RBFOX3: variants seen among roughly 807,000 people sequenced by gnomAD.
The protein encoded by RBFOX3 is RNA binding fox-1 homolog 3, also known as RNA binding protein fox-1 homolog 3.
In RBFOX3, 17 loss-of-function variants were observed where a neutral mutation model predicts 48.7. That is an observed-to-expected ratio of 0.35 (90% CI 0.24 to 0.52). The LOEUF (loss-of-function observed/expected upper bound fraction) is 0.52. Among genes scored for constraint, RBFOX3 ranks in the 20% least tolerant of loss-of-function variants. The pLI is 0.94. For missense variants in RBFOX3, 382 were observed against 497.5 expected, an observed-to-expected ratio of 0.77 and a Z score of 2.21; for synonymous variants, 212 against 209.5, an observed-to-expected ratio of 1.01 and a Z score of -0.10.
chr17:79,170,143 A>AAGGAAGGAAGGGAGGAGGAAGG (rs1555728704), intron 4 of RBFOX3, among the ~76,000 whole-genome samples: 2 of 111,312 alleles, frequency 1.8e-5, no homozygotes, highest in African/African-American at 8.5e-5. Flanking sequence ...GGAAGGAGGG[A>AAGGAAGGAAGGGAGGAGGAAGG]AGGAAGGAAG....
Position 79,094,543 on chromosome 17 carries a change from T to TGGGAGGGGGAGTGGGAGGAGGGTGG in RBFOX3, c.999-39_999-15dup. The TGGGAGGGGGAGTGGGAGGAGGGTGG allele has an allele frequency of 3.1e-6, 1 of 327,818 alleles. No homozygotes were observed. The highest frequency in any genetic ancestry group is 2.9e-4 in the East Asian group (1 of 3,482). The allele number at this position is 327,818 out of a possible 1,614,324, so 20.3% of individuals were successfully genotyped here. A position where few individuals can be genotyped will look rare whatever the true frequency, so the allele number is the denominator to read the frequency against. On this transcript the variant is annotated splice_polypyrimidine_tract_variant and intron_variant, in intron 13 of 14. Transcript: ENST00000693108. ...ACTCTGCCGTAACTAGGGAAGAGCG[T>TGGGAGGGGGAGTGGGAGGAGGGTGG]GGGAGGGGGAGTGGGAGGAGGGTGG... is the stretch of plus-strand genomic sequence containing the variant.
intron 1 of RBFOX3, among the ~76,000 whole-genome samples, chr17:79,590,340 A>G (rs2093381553): frequency 6.6e-6 from 1 of 152,104 alleles, no homozygotes; most frequent in Non-Finnish European, 1.5e-5. Flanking sequence ...AATCCTTCCT[A>G]GGAAGCCCAC....
At chr17:79,665,416 A>T in the RBFOX3 span, among the ~76,000 whole-genome samples, 2 of 151,872 alleles carry the variant, frequency 1.3e-5, no homozygotes, top group African/African-American at 4.8e-5. Flanking sequence ...AGGGGCCTGG[A>T]GAGGAGCGGA....
intron 1 of RBFOX3, among the ~76,000 whole-genome samples, chr17:79,586,836 G>T (rs1223952625): frequency 6.6e-6 from 1 of 152,132 alleles, no homozygotes; most frequent in Non-Finnish European, 1.5e-5. Context: ...TGGCAGCCAG[G>T]GCATTTGATT....
Position 79,586,668 on chromosome 17 carries a change from T to C in RBFOX3, c.-320+24158A>G, listed in dbSNP as rs1022823257. 3.4e-4 allele frequency among the ~76,000 whole-genome samples: 52 copies of C among 152,360 alleles called. No homozygotes were observed. In the South Asian group the frequency reaches 4.6e-3, roughly 13 times the overall value. ...TGGTGAGATCTTCCGTTTGATTTTC[T>C]CTTTTCATATGTTTTCAATCAGAAA... On this transcript the variant is annotated intron_variant, in intron 1 of 14. Transcript: ENST00000693108.
At chr17:79,512,096 A>T (rs1209431693) in intron 1 of RBFOX3, among the ~76,000 whole-genome samples, 1 of 132,420 alleles carries the variant, frequency 7.6e-6, no homozygotes, top group Non-Finnish European at 1.6e-5. Flanking sequence ...CATCGAGTAC[A>T]GCCCCATGGC....
At chr17:79,328,029 C>A (rs1304868695) in intron 2 of RBFOX3, among the ~76,000 whole-genome samples, 1 of 152,188 alleles carries the variant, frequency 6.6e-6, no homozygotes, top group Non-Finnish European at 1.5e-5. Context: ...ACATTGATGA[C>A]AAAACCTGAC....
rs907043077 is a variant in RBFOX3, at chr17:79,111,582, C to T, written c.222+3912G>A. Among the ~76,000 whole-genome samples the T allele has an allele frequency of 3.3e-5, 5 of 152,180 alleles. No individual in the cohort carries two copies. The highest frequency in any genetic ancestry group is 2.1e-4 in the South Asian group (1 of 4,834). On this transcript the variant is annotated intron_variant, in intron 5 of 14. Transcript: ENST00000693108. The surrounding 1 kb of genome is among the most constrained non-coding windows in gnomAD (Gnocchi z 4.2). ...TCCCGGGCAGCTGGGATTACAGGCA[C>T]GAGCCACCATGCCCGATTAATTTTT...
intron 3 of RBFOX3, among the ~76,000 whole-genome samples, chr17:79,239,861 C>T (rs1347682400): frequency 6.6e-6 from 1 of 152,252 alleles, no homozygotes; most frequent in East Asian, 1.9e-4. Context: ...TGTTTTGAAG[C>T]ATGGGATTGG....
intron 4 of RBFOX3, among the ~76,000 whole-genome samples, chr17:79,132,288 G>C (rs1041337383): frequency 6.6e-6 from 1 of 151,470 alleles, no homozygotes; most frequent in Non-Finnish European, 1.5e-5. Context: ...GGGGTGGGGG[G>C]CAGAGGGCGT....
At chr17:79,387,492 A>G (rs7224993) in intron 2 of RBFOX3, among the ~76,000 whole-genome samples, 88,846 of 152,026 alleles carry the variant, frequency 0.58, 26,062 homozygotes, top group South Asian at 0.67. Flanking sequence ...AAATACTGCC[A>G]GGGCCCACAG....
chr17:79,245,996 C>T (rs898050274), intron 3 of RBFOX3, among the ~76,000 whole-genome samples: 1 of 151,986 alleles, frequency 6.6e-6, no homozygotes, highest in African/African-American at 2.4e-5. Flanking sequence ...TCCCATTTTG[C>T]TTCAGCCACG....
chr17:79,182,347 A>G (rs548764339), intron 4 of RBFOX3, among the ~76,000 whole-genome samples: 104 of 152,286 alleles, frequency 6.8e-4, no homozygotes, highest in Admixed American at 1.5e-3. Flanking sequence ...AGACAGGCCC[A>G]GAGATGTGGG....
intron 2 of RBFOX3, among the ~76,000 whole-genome samples, chr17:79,468,414 T>C (rs1329453886): frequency 6.6e-6 from 1 of 151,472 alleles, no homozygotes; most frequent in Admixed American, 6.6e-5. Flanking sequence ...GACAGGTAGG[T>C]AGACAGATAC....
At chr17:79,530,207 C>A (rs1487920100) in intron 1 of RBFOX3, among the ~76,000 whole-genome samples, 1 of 152,124 alleles carries the variant, frequency 6.6e-6, no homozygotes, top group Non-Finnish European at 1.5e-5. Context: ...CTGTGCACCA[C>A]GGAGAGAGTG....
the RBFOX3 span, among the ~76,000 whole-genome samples, chr17:79,656,765 G>GAAAGAAA: frequency 1.6e-5 from 1 of 63,078 alleles, no homozygotes; most frequent in African/African-American, 6.0e-5. Context: ...AAGGAAGGAA[G>GAAAGAAA]GAAGGAAGGA....
chr17:79,422,077 TGA>T (rs2066495871), intron 2 of RBFOX3, among the ~76,000 whole-genome samples: 1 of 151,698 alleles, frequency 6.6e-6, no homozygotes, highest in Non-Finnish European at 1.5e-5. Context: ...TTGAAGGGGC[TGA>T]GAGAGGCGGG....
chr17:79,091,113 G>T (rs977497894), intron 14 of RBFOX3, among the ~76,000 whole-genome samples: 9 of 152,250 alleles, frequency 5.9e-5, no homozygotes, highest in African/African-American at 2.2e-4. Context: ...CCCTGAGGAG[G>T]AGACAGAGCT....
chr17:79,146,980 C>T (rs2043170052), intron 4 of RBFOX3, among the ~76,000 whole-genome samples: 1 of 152,238 alleles, frequency 6.6e-6, no homozygotes, highest in Non-Finnish European at 1.5e-5. Context: ...CTCCTGGACA[C>T]ACCCAGGGGT....
Sources: allele counts gnomAD v4.1 joint callset (sites outside exome capture counted in the v4.1 genomes callset), GRCh38; gene constraint gnomAD v4.1.1; non-coding constraint Gnocchi (gnomAD v3.1); transcripts MANE v1.5; gene names NCBI Gene and HGNC (gene_info 2026-07-23, HGNC 2026-07-21).